Variants in CDK13 observed in about 807,000 individuals in gnomAD.
CDK13 encodes cyclin dependent kinase 13.
In CDK13, 40 loss-of-function variants were observed where a neutral mutation model predicts 137.6. The observed-to-expected ratio is 0.29, with a 90% CI of 0.23 to 0.38. The LOEUF (loss-of-function observed/expected upper bound fraction) is 0.38, where lower values mean the gene tolerates loss of function less well. Ranked by LOEUF, CDK13 falls within the 10% of genes least tolerant of loss-of-function variation. The pLI is 1.00. For missense variants in CDK13, 1,704 were observed against 1,951.8 expected, an observed-to-expected ratio of 0.87 and a Z score of 2.39; for synonymous variants, 869 against 760.1, an observed-to-expected ratio of 1.14 and a Z score of -2.36.
chr7:39,951,445 T>C lies in CDK13; in HGVS notation c.804T>C (p.Ser268=). The C allele has an allele frequency of 6.5e-7, 1 of 1,536,908 alleles. No homozygotes were observed. The highest frequency in any genetic ancestry group is 8.8e-7 in the Non-Finnish European group (1 of 1,142,514). The part of the protein sequence containing the change: ...RKSASATSSS[S]SSRKDRDSKA... Reference sequence around the variant, plus strand: ...GCGCTTCGGCCACATCCAGCAGCAGTAGCAGCCGCAAGGACCGGGACTCGA... The same window carrying C: ...GCGCTTCGGCCACATCCAGCAGCAGCAGCAGCCGCAAGGACCGGGACTCGA... The change falls in exon 1 of 14, where the codon AGT becomes AGC. Residue 268 remains serine (S), a synonymous_variant. Coordinates refer to ENST00000181839, the MANE Select transcript of CDK13 (RefSeq NM_003718.5).
At chr7:40,091,117 G>C (rs924332796) in intron 12 of CDK13, among the ~76,000 whole-genome samples, 1 of 151,484 alleles carries the variant, frequency 6.6e-6, no homozygotes, top group Non-Finnish European at 1.5e-5. Context: ...AGGCTGAGGC[G>C]GGCGGATCAT....
intron 9 of CDK13, among the ~76,000 whole-genome samples, chr7:40,076,907 A>G (rs1337891064): frequency 6.6e-6 from 1 of 152,200 alleles, no homozygotes; most frequent in Non-Finnish European, 1.5e-5. Flanking sequence ...TGACAATTTT[A>G]TATATAATAA....
At chr7:40,039,576 C>T (rs1052167049) in intron 5 of CDK13, among the ~76,000 whole-genome samples, 15 of 150,592 alleles carry the variant, frequency 1.0e-4, no homozygotes, top group African/African-American at 3.7e-4. Flanking sequence ...GGATTATAGG[C>T]ATGAACCACC....
chr7:39,975,290 T>G (rs1251715054), intron 1 of CDK13, among the ~76,000 whole-genome samples: 4 of 151,974 alleles, frequency 2.6e-5, no homozygotes, highest in African/African-American at 9.7e-5. Flanking sequence ...GGTGTGCACT[T>G]GTCCCATCTA....
At chr7:39,978,073 T>A (rs779381588) in intron 1 of CDK13, among the ~76,000 whole-genome samples, 1 of 152,088 alleles carries the variant, frequency 6.6e-6, no homozygotes, top group Admixed American at 6.6e-5. Flanking sequence ...AAGATACATG[T>A]CAGAGTTGGA....
intron 9 of CDK13, chr7:40,072,699 A>T (rs1196493176): frequency 6.6e-6 from 1 of 152,254 alleles, no homozygotes; most frequent in African/African-American, 2.4e-5. Context: ...CTGTTGCTGT[A>T]TATCAGTCTT....
In CDK13 at chr7:40,096,427, ACT is replaced by A. The variant is rs944217144; in HGVS notation, c.*1451_*1452del. On this transcript the variant is annotated 3_prime_UTR_variant, in exon 14 of 14. Transcript: ENST00000181839. Reference sequence around the variant, plus strand: ...TGGTGTCAAGTCTCACTGTGTGCACACTCTCACACATACACACACAATTATAC... The same window carrying A: ...TGGTGTCAAGTCTCACTGTGTGCACACTCACACATACACACACAATTATAC... 3.3e-5 allele frequency: 5 copies of A among 152,118 alleles called. No individual in the cohort carries two copies. The highest frequency in any genetic ancestry group is 1.9e-4 in the East Asian group (1 of 5,204). 9.4% of individuals were successfully genotyped at this position (152,118 alleles called of 1,614,324 possible).
Position 40,096,736 on chromosome 7 carries a change from A to G in CDK13, c.*1756A>G, listed in dbSNP as rs1200168817. 1 of 152,172 alleles carries G rather than the reference A, an allele frequency of 6.6e-6. No homozygotes were observed. Among genetic ancestry groups the G allele is most frequent in the Non-Finnish European group, 1.5e-5 (1 of 67,994 alleles). 9.4% of individuals were successfully genotyped at this position (152,172 alleles called of 1,614,324 possible). On this transcript the variant is annotated 3_prime_UTR_variant, in exon 14 of 14. Coordinates refer to ENST00000181839, the MANE Select transcript of CDK13 (RefSeq NM_003718.5). ...TTTGATAAGAGTAAAATTATTTTAAAGAGGATAATTTACCATTTTACTACT... is the reference window on the plus strand; with the variant it reads ...TTTGATAAGAGTAAAATTATTTTAAGGAGGATAATTTACCATTTTACTACT...
intron 5 of CDK13, among the ~76,000 whole-genome samples, chr7:40,014,579 C>T (rs146187875): frequency 1.7e-3 from 265 of 151,848 alleles, no homozygotes; most frequent in Middle Eastern, 3.4e-3. Context: ...CTCAGCCTCC[C>T]GAGGAGCTGG....
At chr7:39,987,315 A>C (rs944856661) in intron 1 of CDK13, among the ~76,000 whole-genome samples, 1 of 152,040 alleles carries the variant, frequency 6.6e-6, no homozygotes, top group African/African-American at 2.4e-5. Flanking sequence ...CTTATTGCCT[A>C]CTTCTTTTTT....
chr7:39,969,092 C>T (rs1302049267), intron 1 of CDK13, among the ~76,000 whole-genome samples: 1 of 152,106 alleles, frequency 6.6e-6, no homozygotes, highest in East Asian at 1.9e-4. Flanking sequence ...TAACTGCAAC[C>T]TCTACCTCCC....
chr7:40,045,874 C>G lies in CDK13; in HGVS notation c.2392C>G (p.Leu798Val), dbSNP rs190090570. 6.2e-7 allele frequency: 1 copy of G among 1,612,116 alleles called. No individual in the cohort carries two copies. Residue 798 changes from leucine (L) to valine (V), a missense_variant, in exon 6 of 14, where the codon CTG becomes GTG. By Grantham distance (32) the Leu-to-Val change is conservative. Transcript: ENST00000181839. ...GGTGTTTGAATATATGGACCATGAT[C>G]TGATGGGACTACTGGAATCAGGCTT... ...YLVFEYMDHD[L>V]MGLLESGLVH...
rs575864813 is a variant in CDK13, at chr7:40,015,751, A to T, written c.2353+13720A>T. Among the ~76,000 whole-genome samples, 28 of 151,990 alleles carry T rather than the reference A, an allele frequency of 1.8e-4. No individual in the cohort carries two copies. In the East Asian group the frequency reaches 5.0e-3, roughly 27 times the overall value. ...AGGAATGGAGTTGATCCAGAAGTTT[A>T]AAAAAAAAATTTTTTTCTGAAAGCT... On this transcript the variant is annotated intron_variant, in intron 5 of 13. Transcript: ENST00000181839.
Position 40,094,790 on chromosome 7 carries a change from C to A in CDK13, c.4349C>A (p.Thr1450Asn). The change falls in exon 14 of 14, where the codon ACT becomes AAT. Residue 1450 changes from threonine (T) to asparagine (N), a missense_variant. By Grantham distance (65) the Thr-to-Asn change is moderately conservative (BLOSUM62 0). This residue lies in a region of CDK13 where 475 missense variants were observed against 579.3 expected (regional missense o/e 0.82). Transcript: ENST00000181839. ...GACCCTTCCACGGGGCCAGAGAGTA[C>A]TCATCCTTTGCCAGCAAAGATGCAC... ...SSDPSTGPES[T>N]HPLPAKMHNY... 6.2e-7 allele frequency: 1 copy of A among 1,601,654 alleles called. No individual in the cohort carries two copies. Among genetic ancestry groups the A allele is most frequent in the Non-Finnish European group, 8.5e-7 (1 of 1,174,548 alleles).
Position 39,950,466 on chromosome 7 carries a change from G to GT in CDK13, c.-175dup. 2 of 1,254,434 alleles carry GT rather than the reference G, an allele frequency of 1.6e-6. No individual in the cohort carries two copies. The highest frequency in any genetic ancestry group is 2.0e-6 in the Non-Finnish European group (2 of 1,000,654). The allele number at this position is 1,254,434 out of a possible 1,614,324, so 77.7% of individuals were successfully genotyped here. On this transcript the variant is annotated 5_prime_UTR_variant, in exon 1 of 14. Transcript: ENST00000181839. ...CCCGGAGGCTGCTGCGTACCCCACT[G>GT]TGACCTGGAACCCAGGGACCCGAGT...
At chr7:39,963,112 T>G (rs1354698192) in intron 1 of CDK13, among the ~76,000 whole-genome samples, 2 of 152,200 alleles carry the variant, frequency 1.3e-5, no homozygotes, top group Non-Finnish European at 2.9e-5. Flanking sequence ...TGTGGGCTCT[T>G]TTTTGGTTCC....
chr7:39,958,642 G>C (rs573349090), intron 1 of CDK13, among the ~76,000 whole-genome samples: 10 of 151,972 alleles, frequency 6.6e-5, no homozygotes, highest in African/African-American at 2.4e-4. Context: ...CTGTTGTATG[G>C]ATATAGCATA....
chr7:40,036,097 G>C (rs1051710573), intron 5 of CDK13, among the ~76,000 whole-genome samples: 21 of 151,812 alleles, frequency 1.4e-4, no homozygotes, highest in African/African-American at 4.8e-4. Flanking sequence ...AGCCTAGGAA[G>C]TGGTGGCAAG....
intron 2 of CDK13, among the ~76,000 whole-genome samples, chr7:39,996,985 A>AG (rs1784577306): frequency 6.6e-6 from 1 of 150,944 alleles, no homozygotes; most frequent in Admixed American, 6.6e-5. Context: ...AAGAAAAAAA[A>AG]AAAGAAAAAT....
Sources: allele counts gnomAD v4.1 joint callset (sites outside exome capture counted in the v4.1 genomes callset), GRCh38; gene constraint gnomAD v4.1.1; regional missense constraint gnomAD v4.1.1; transcripts MANE v1.5; gene names NCBI Gene and HGNC (gene_info 2026-07-23, HGNC 2026-07-21).